SLC24A2: variants seen among roughly 807,000 people sequenced by gnomAD.
SLC24A2 encodes solute carrier family 24 member 2.
In SLC24A2, 36 loss-of-function variants were observed where a neutral mutation model predicts 62.0. The observed-to-expected ratio is 0.58, with a 90% CI of 0.44 to 0.77. SLC24A2 has a LOEUF of 0.77. SLC24A2 is among the 30% of genes least tolerant of loss of function. The pLI is 0.00. For synonymous variants in SLC24A2, 358 were observed against 294.0 expected, an observed-to-expected ratio of 1.22 and a Z score of -2.23; for missense variants, 846 against 817.9, an observed-to-expected ratio of 1.03 and a Z score of -0.42.
chr9:20,216,076 A>G, the SLC24A2 span, among the ~76,000 whole-genome samples: 1 of 138,040 alleles, frequency 7.2e-6, no homozygotes, highest in Non-Finnish European at 1.6e-5. Context: ...GTGATAAATC[A>G]TAAAGCCATT....
the SLC24A2 span, among the ~76,000 whole-genome samples, chr9:19,964,913 C>A: frequency 6.6e-6 from 1 of 152,234 alleles, no homozygotes; most frequent in East Asian, 1.9e-4. Flanking sequence ...AGCAACGAGA[C>A]GGGACACGGT....
chr9:19,731,438 G>T (rs915954504), intron 2 of SLC24A2, among the ~76,000 whole-genome samples: 1 of 151,934 alleles, frequency 6.6e-6, no homozygotes, highest in African/African-American at 2.4e-5. Context: ...CAATCATAAG[G>T]GTGGGGCTTT....
chr9:19,870,630 T>C, the SLC24A2 span, among the ~76,000 whole-genome samples: 1 of 152,278 alleles, frequency 6.6e-6, no homozygotes, highest in Non-Finnish European at 1.5e-5. Flanking sequence ...CCACCAGCAG[T>C]GTATGTGGAT....
the SLC24A2 span, among the ~76,000 whole-genome samples, chr9:19,950,565 G>C: frequency 6.6e-6 from 1 of 152,152 alleles, no homozygotes; most frequent in Non-Finnish European, 1.5e-5. Context: ...GCACTTTCAG[G>C]ATAACCTTTG....
chr9:19,941,599 G>GAA, the SLC24A2 span, among the ~76,000 whole-genome samples: 1 of 151,564 alleles, frequency 6.6e-6, no homozygotes, highest in Non-Finnish European at 1.5e-5. Flanking sequence ...GTGAGAGAGA[G>GAA]AGAGAGAGAG....
the SLC24A2 span, among the ~76,000 whole-genome samples, chr9:20,258,689 T>A: frequency 6.6e-6 from 1 of 152,182 alleles, no homozygotes; most frequent in South Asian, 2.1e-4. Flanking sequence ...GTTCGCCAGC[T>A]TGCAGATGGT....
the SLC24A2 span, among the ~76,000 whole-genome samples, chr9:20,302,202 G>T: frequency 6.6e-6 from 1 of 152,198 alleles, no homozygotes; most frequent in Admixed American, 6.5e-5. Flanking sequence ...ACATCTGTGT[G>T]TAGGTTTTTG....
rs147976571 is a variant in SLC24A2 at position 19,609,800 on chromosome 9, G to A, written c.1078+9784C>T. 2.7e-3 allele frequency among the ~76,000 whole-genome samples: 414 copies of A among 152,268 alleles called. 2 individuals carry two copies. Among genetic ancestry groups the A allele is most frequent in the African/African-American group, 9.5e-3 (395 of 41,538 alleles). ...TGGGTGGGTGTGGGGTGAGTGGTGG[G>A]GATGGTTTCAGGATGAAACTGTTCC... On this transcript the variant is annotated intron_variant, in intron 4 of 10. Coordinates refer to ENST00000341998, the MANE Select transcript of SLC24A2 (RefSeq NM_020344.4).
the SLC24A2 span, among the ~76,000 whole-genome samples, chr9:20,173,770 C>G: frequency 6.6e-6 from 1 of 152,004 alleles, no homozygotes; most frequent in Non-Finnish European, 1.5e-5. Flanking sequence ...AATAAACATA[C>G]TGTCAAAAGC....
At chr9:20,185,150 A>G in the SLC24A2 span, among the ~76,000 whole-genome samples, 1 of 152,132 alleles carries the variant, frequency 6.6e-6, no homozygotes, top group Non-Finnish European at 1.5e-5. Flanking sequence ...GAGAGGAGGA[A>G]TAAGTTCAAG....
the SLC24A2 span, among the ~76,000 whole-genome samples, chr9:19,895,582 T>C: frequency 1.4e-5 from 2 of 144,286 alleles, no homozygotes; most frequent in Non-Finnish European, 3.0e-5. Flanking sequence ...TAAGAAACAC[T>C]TTATTATAAC....
intron 2 of SLC24A2, among the ~76,000 whole-genome samples, chr9:19,699,123 G>A (rs906332212): frequency 6.6e-6 from 1 of 152,132 alleles, no homozygotes; most frequent in Non-Finnish European, 1.5e-5. Context: ...CAGACTCGGG[G>A]GTTCTGGCAA....
the SLC24A2 span, among the ~76,000 whole-genome samples, chr9:20,232,493 T>C: frequency 6.6e-6 from 1 of 152,218 alleles, no homozygotes; most frequent in Non-Finnish European, 1.5e-5. Flanking sequence ...AATTTATCCA[T>C]TTCTTCTAGA....
chr9:20,039,245 A>C, the SLC24A2 span, among the ~76,000 whole-genome samples: 19 of 152,198 alleles, frequency 1.2e-4, no homozygotes, highest in East Asian at 3.1e-3. Context: ...AAATGACCCA[A>C]AGGGACTACC....
chr9:19,994,220 T>C, the SLC24A2 span, among the ~76,000 whole-genome samples: 6 of 152,158 alleles, frequency 3.9e-5, no homozygotes, highest in African/African-American at 1.4e-4. Context: ...AAAGTCTCAT[T>C]ATCTCAGCTG....
chr9:20,192,551 G>A, the SLC24A2 span, among the ~76,000 whole-genome samples: 1 of 152,072 alleles, frequency 6.6e-6, no homozygotes, highest in African/African-American at 2.4e-5. Context: ...TGTATCAGAA[G>A]GGATCCAGAT....
chr9:20,174,855 C>T, the SLC24A2 span, among the ~76,000 whole-genome samples: 38 of 151,902 alleles, frequency 2.5e-4, no homozygotes, highest in Admixed American at 4.6e-4. Flanking sequence ...ACTGGGTATC[C>T]ACCTAGAGGA....
chr9:20,200,177 G>C, the SLC24A2 span, among the ~76,000 whole-genome samples: 2 of 151,360 alleles, frequency 1.3e-5, no homozygotes, highest in Non-Finnish European at 2.9e-5. Context: ...TAAAAATATA[G>C]ATATTATCTC....
the SLC24A2 span, among the ~76,000 whole-genome samples, chr9:20,253,522 G>T: frequency 1.3e-5 from 2 of 152,158 alleles, no homozygotes. Flanking sequence ...ATGATCCAGG[G>T]CAGGGTTCTC....
Sources: allele counts gnomAD v4.1 joint callset (sites outside exome capture counted in the v4.1 genomes callset), GRCh38; gene constraint gnomAD v4.1.1; transcripts MANE v1.5; gene names NCBI Gene and HGNC (gene_info 2026-07-23, HGNC 2026-07-21).